The following FCGR2A variants were observed in gnomAD, a reference collection of about 807,000 sequenced individuals.
FCGR2A encodes Fc gamma receptor IIa.
FCGR2A carries 18 observed loss-of-function variants against 29.3 expected under a neutral mutation model. The ratio of observed to expected loss-of-function variants is 0.62; its 90% confidence interval spans 0.43 to 0.91. FCGR2A has a LOEUF of 0.91. Ranked by LOEUF, FCGR2A falls within the 40% of genes least tolerant of loss-of-function variation. FCGR2A has a pLI of 0.00. For synonymous variants in FCGR2A, 126 were observed against 144.8 expected (o/e 0.87, Z 0.93); for missense variants, 287 against 393.0 (o/e 0.73, Z 2.28).
downstream of FCGR2A, chr1:161,522,744 T>C (rs1038951152): frequency 3.3e-5 from 5 of 152,140 alleles, no homozygotes; most frequent in African/African-American, 1.2e-4. Flanking sequence ...AGTCATATAT[T>C]GCACATTTCT....
downstream of FCGR2A, among the ~76,000 whole-genome samples, chr1:161,522,066 C>T (rs1386628407): frequency 6.6e-6 from 1 of 152,056 alleles, no homozygotes; most frequent in Non-Finnish European, 1.5e-5. Flanking sequence ...AGGCCAGCTG[C>T]AGTGGCTCAT....
downstream of FCGR2A, chr1:161,523,146 C>G (rs1014468660): frequency 2.0e-5 from 3 of 152,146 alleles, no homozygotes; most frequent in African/African-American, 7.2e-5. Flanking sequence ...CAGTTGCCAT[C>G]CTTGTTACTA....
At position 161,510,206 on chromosome 1, in the gene FCGR2A, G is replaced by T. The variant is rs540989857; in HGVS notation, c.619+132G>T. The T allele has an allele frequency of 1.8e-3, 2,620 of 1,494,602 alleles. 3 individuals carry two copies. Among genetic ancestry groups the T allele is most frequent in the Non-Finnish European group, 2.1e-3 (2,350 of 1,112,110 alleles). 92.6% of individuals were successfully genotyped at this position (1,494,602 alleles called of 1,614,324 possible). ...TGGGCACTGGAGCAAAGAGGAGTGG[G>T]GTGGAAGCCTGGCTAAGTATTGACC... On this transcript the variant is annotated intron_variant, in intron 4 of 6. Transcript: ENST00000271450.
chr1:161,511,730 G>A (rs532761105), intron 5 of FCGR2A, among the ~76,000 whole-genome samples: 5 of 152,328 alleles, frequency 3.3e-5, no homozygotes, highest in African/African-American at 9.6e-5. Context: ...AGGCCCCACT[G>A]CCTAATCCTG....
rs1676367731 is a variant in FCGR2A at position 161,519,677 on chromosome 1, TG to T, written c.*1530del. 1 of 152,152 alleles carries T rather than the reference TG, an allele frequency of 6.6e-6. No individual in the cohort carries two copies. Among genetic ancestry groups the T allele is most frequent in the African/African-American group, 2.4e-5 (1 of 41,364 alleles). The allele number at this position is 152,152 out of a possible 1,614,324, so 9.4% of individuals were successfully genotyped here. ...CTTGAGAAGGTAGTAATGGATAAGA[TG>T]TGAGGGAGAGGAGAGAGGGAGATTT... On this transcript the variant is annotated 3_prime_UTR_variant, in exon 7 of 7. Transcript: ENST00000271450.
intron 3 of FCGR2A, among the ~76,000 whole-genome samples, chr1:161,509,419 C>T (rs1183968657): frequency 6.6e-6 from 1 of 151,476 alleles, no homozygotes; most frequent in Non-Finnish European, 1.5e-5. Flanking sequence ...TAATACAGTT[C>T]AAGGCTGCCC....
chr1:161,506,758 C>G, intron 3 of FCGR2A, 167 bp downstream of exon 3: 1 of 1,287,124 alleles, frequency 7.8e-7, no homozygotes, highest in South Asian at 1.5e-5. Flanking sequence ...GCTTAGCATG[C>G]GTGGTGGGGG....
rs754949042 is a variant in FCGR2A at position 161,510,052 on chromosome 1, G to A, written c.597G>A (p.Lys199=). 8.7e-6 allele frequency: 14 copies of A among 1,613,810 alleles called. No homozygotes were observed. Among genetic ancestry groups the A allele is most frequent in the Non-Finnish European group, 8.5e-7 (1 of 1,179,872 alleles). Residue 199 remains lysine, a synonymous_variant, in exon 4 of 7, where the codon AAG becomes AAA. Coordinates refer to ENST00000271450, the MANE Select transcript of FCGR2A (RefSeq NM_001136219.3). ...TAGGCTACACGCTGTTCTCATCCAA[G>A]CCTGTGACCATCACTGTCCAAGGTA... ...GNIGYTLFSS[K]PVTITVQVPS... is the part of the protein sequence containing the mutation.
At chr1:161,509,007 A>C (rs1675597097) in intron 3 of FCGR2A, among the ~76,000 whole-genome samples, 1 of 152,026 alleles carries the variant, frequency 6.6e-6, no homozygotes, top group Non-Finnish European at 1.5e-5. Flanking sequence ...ATATGATATG[A>C]ATTAATCAAA....
At chr1:161,521,203 T>C (rs1571992115), downstream of FCGR2A, among the ~76,000 whole-genome samples, 1 of 151,632 alleles carries the variant, frequency 6.6e-6, no homozygotes, top group East Asian at 1.9e-4. Flanking sequence ...TTACTGTTTG[T>C]TTTGTGTCTG....
Position 161,511,052 on chromosome 1 carries a change from A to G in FCGR2A, c.742+96A>G, listed in dbSNP as rs1002299155. 7 of 1,556,198 alleles carry G rather than the reference A, an allele frequency of 4.5e-6. No individual in the cohort carries two copies. In the Admixed American group the frequency reaches 8.4e-5, roughly 19 times the overall value. ...CAGAATCCCGCTCTTAGGGCTAGAT[A>G]TGCATTCCGATCTAGGCCCACCTTT... On this transcript the variant is annotated intron_variant, in intron 5 of 6. Coordinates refer to ENST00000271450, the MANE Select transcript of FCGR2A (RefSeq NM_001136219.3).
intron 5 of FCGR2A, among the ~76,000 whole-genome samples, chr1:161,512,978 A>G (rs1246106802): frequency 6.6e-6 from 1 of 152,206 alleles, no homozygotes; most frequent in African/African-American, 2.4e-5. Flanking sequence ...GGGGCTGCAT[A>G]AATGGTTTTT....
chr1:161,508,587 CA>C (rs10648106), intron 3 of FCGR2A, among the ~76,000 whole-genome samples: 158 of 88,348 alleles, frequency 1.8e-3, no homozygotes, highest in South Asian at 3.8e-3. Context: ...AACTCCATCT[CA>C]AAAAAAAAAA....
chr1:161,517,580 T>G (rs558706957), intron 6 of FCGR2A, among the ~76,000 whole-genome samples: 2 of 152,334 alleles, frequency 1.3e-5, no homozygotes, highest in Admixed American at 6.5e-5. Flanking sequence ...CTGGCCTGTT[T>G]GGGAAATTAG....
intron 5 of FCGR2A, among the ~76,000 whole-genome samples, chr1:161,513,019 G>T (rs977342821): frequency 3.3e-5 from 5 of 151,908 alleles, no homozygotes; most frequent in African/African-American, 7.2e-5. Context: ...GCAAAGCTGG[G>T]TTGCTGGAAT....
downstream of FCGR2A, among the ~76,000 whole-genome samples, chr1:161,520,976 A>G (rs981751975): frequency 3.5e-4 from 53 of 151,162 alleles, no homozygotes; most frequent in Non-Finnish European, 1.0e-4. Context: ...ACTTCTGCCC[A>G]GAGCCTATGT....
rs189415985 is a variant in FCGR2A at position 161,518,719 on chromosome 1, C to T, written c.*571C>T. 1,276 of 157,136 alleles carry T rather than the reference C, an allele frequency of 8.1e-3. 3 individuals carry two copies. The highest frequency in any genetic ancestry group is 0.02 in the South Asian group (110 of 5,452). The allele number at this position is 157,136 out of a possible 1,614,324, so 9.7% of individuals were successfully genotyped here. On this transcript the variant is annotated 3_prime_UTR_variant, in exon 7 of 7. Coordinates refer to ENST00000271450, the MANE Select transcript of FCGR2A (RefSeq NM_001136219.3). ...CCGCCTCCCAGGTTTAAGCGATTCTCATGCCTCAGCCTCCCAGTAGCTGGG... is the reference window on the plus strand; with the variant it reads ...CCGCCTCCCAGGTTTAAGCGATTCTTATGCCTCAGCCTCCCAGTAGCTGGG...
intron 5 of FCGR2A, 42 bp from the exon 6 acceptor site, chr1:161,513,853 C>A (rs1231209533): frequency 6.2e-7 from 1 of 1,614,132 alleles, no homozygotes; most frequent in Non-Finnish European, 8.5e-7. Context: ...AGGCCCTTTT[C>A]AACAGCAGTG....
At chr1:161,522,640 G>A (rs1252532265), downstream of FCGR2A, among the ~76,000 whole-genome samples, 2 of 152,130 alleles carry the variant, frequency 1.3e-5, no homozygotes, top group Non-Finnish European at 2.9e-5. Context: ...TAGACCCTGA[G>A]AGTGAGTGAA....
Sources: allele counts gnomAD v4.1 joint callset (sites outside exome capture counted in the v4.1 genomes callset), GRCh38; gene constraint gnomAD v4.1.1; transcripts MANE v1.5; gene names NCBI Gene and HGNC (gene_info 2026-07-23, HGNC 2026-07-21).